The following ATP7A variants were observed in gnomAD, a reference collection of about 807,000 sequenced individuals.
The protein encoded by ATP7A is ATPase copper transporting alpha.
ATP7A carries 7 observed loss-of-function variants against 83.5 expected under a neutral mutation model. The ratio of observed to expected loss-of-function variants is 0.08; its 90% CI spans 0.05 to 0.16. The LOEUF (loss-of-function observed/expected upper bound fraction) is 0.16. ATP7A is among the 10% of genes least tolerant of loss of function. The pLI is 1.00. For missense variants in ATP7A, 940 were observed against 1,120.8 expected (o/e 0.84, Z 2.30); for synonymous variants, 354 against 395.2 (o/e 0.90, Z 1.24).
rs1441768851 is a variant in ATP7A at position 77,999,772 on chromosome X, C to T, written c.1543+1088C>T. On this transcript the variant is annotated intron_variant, in intron 5 of 22. Coordinates refer to ENST00000341514, the MANE Select transcript of ATP7A (RefSeq NM_000052.7). The stretch of plus-strand genomic sequence containing the variant: ...TACAAAAATTAGCTGGGTGTAGTGG[C>T]GCATGCCTGGAGTCCCAGCTACTTG... Among the ~76,000 whole-genome samples the T allele has an allele frequency of 3.6e-5, 4 of 110,449 alleles. No homozygotes were observed. In the East Asian group the frequency reaches 8.5e-4, roughly 24 times the overall value.
intron 15 of ATP7A, among the ~76,000 whole-genome samples, chrX:78,030,085 G>A (rs1242012323): frequency 8.9e-6 from 1 of 112,222 alleles, no homozygotes; most frequent in Non-Finnish European, 1.9e-5. Context: ...ATACAGGCTA[G>A]TAATTTTTAT....
chrX:78,024,289 A>G (rs1024572557), intron 14 of ATP7A, among the ~76,000 whole-genome samples: 7 of 112,119 alleles, frequency 6.2e-5, no homozygotes, highest in African/African-American at 1.3e-4. Flanking sequence ...TTCTTTTTCC[A>G]TATGAAATTT....
chrX:77,962,754 A>G, intron 1 of ATP7A: 1 of 389,484 alleles, frequency 2.6e-6, no homozygotes, highest in Non-Finnish European at 5.1e-6. Context: ...ATTTTCGTCA[A>G]CCAAACTTCT....
chrX:78,033,809 G>A lies in ATP7A; in HGVS notation c.3499G>A (p.Ala1167Thr). 6 of 1,208,298 alleles carry A rather than the reference G, an allele frequency of 5.0e-6. No homozygotes were observed. In the South Asian group the frequency reaches 8.8e-5, roughly 18 times the overall value. ...SSTSSSMIID[A>T]QISNALNAQQ... ...AACTTCGTCTTCCATGATTATTGATGCCCAGATCTCAAGTAAGCTAATTTT... is the reference window on the plus strand; with the variant it reads ...AACTTCGTCTTCCATGATTATTGATACCCAGATCTCAAGTAAGCTAATTTT... The change falls in exon 17 of 23, where the codon GCC becomes ACC. Residue 1167 changes from alanine to threonine, a missense_variant. Ala to Thr is a moderately conservative substitution (Grantham distance 58). Around this residue, in one of 3 missense-constraint regions of ATP7A, gnomAD observed 386 missense variants for 502.2 expected, o/e 0.77. Coordinates refer to ENST00000341514, the MANE Select transcript of ATP7A (RefSeq NM_000052.7).
chrX:77,995,371 C>G (rs2077696167), intron 4 of ATP7A, among the ~76,000 whole-genome samples: 1 of 109,915 alleles, frequency 9.1e-6, no homozygotes. Flanking sequence ...TCGAGACCAG[C>G]CTGGCCAACA....
At position 78,003,119 on chromosome X, in the gene ATP7A, A is replaced by G. The variant is rs1557233367; in HGVS notation, c.1590A>G (p.Val530=). 16 of 1,208,315 alleles carry G rather than the reference A, an allele frequency of 1.3e-5. No individual in the cohort carries two copies. The highest frequency in any genetic ancestry group is 1.8e-5 in the Non-Finnish European group (16 of 893,814). The change falls in exon 6 of 23, where the codon GTA becomes GTG. Residue 530 remains valine (V), a synonymous_variant. Transcript: ENST00000341514. ...CCCTGATGGCTGGCAAGGCAGAAGT[A>G]AGGTATAATCCTGCTGTTATACAAC... ...LVALMAGKAE[V]RYNPAVIQPP...
chrX:77,911,278 G>A (rs2077158264), intron 1 of ATP7A, among the ~76,000 whole-genome samples: 1 of 112,231 alleles, frequency 8.9e-6, no homozygotes, highest in African/African-American at 3.2e-5. Context: ...GGGAGCGTAA[G>A]GTAAACTGAG....
intron 2 of ATP7A, 126 bp downstream of exon 2, chrX:77,971,887 A>G: frequency 1.3e-6 from 1 of 785,311 alleles, no homozygotes; most frequent in South Asian, 2.6e-5. Context: ...TGTACTTCTT[A>G]TCTTGAAGCT....
intron 15 of ATP7A, among the ~76,000 whole-genome samples, chrX:78,030,667 G>T (rs1179251562): frequency 1.9e-5 from 2 of 106,688 alleles, no homozygotes; most frequent in African/African-American, 6.8e-5. Flanking sequence ...TACTTTGTTG[G>T]TTTATTTTTC....
At chrX:77,938,293 A>G (rs2077331767) in intron 1 of ATP7A, among the ~76,000 whole-genome samples, 1 of 112,420 alleles carries the variant, frequency 8.9e-6, no homozygotes, top group Non-Finnish European at 1.9e-5. Flanking sequence ...TGAGCATAAC[A>G]CCTACTTAAG....
chrX:78,018,847 G>T (rs2077886446), intron 12 of ATP7A, among the ~76,000 whole-genome samples: 1 of 110,552 alleles, frequency 9.0e-6, no homozygotes, highest in Admixed American at 9.7e-5. Context: ...GGTGAAGGGG[G>T]CAAGGACCTT....
intron 4 of ATP7A, among the ~76,000 whole-genome samples, chrX:77,993,480 A>G (rs1044788336): frequency 1.8e-5 from 2 of 112,074 alleles, no homozygotes; most frequent in Non-Finnish European, 3.8e-5. Flanking sequence ...ACATAATGTG[A>G]TTCATTGACC....
chrX:77,996,782 T>G (rs1290895097), intron 4 of ATP7A, among the ~76,000 whole-genome samples: 1 of 64,287 alleles, frequency 1.6e-5, no homozygotes, highest in Non-Finnish European at 3.1e-5. Context: ...AGAAAAAACT[T>G]TTTTTTTCAT....
chrX:77,984,668 T>C (rs1052699092), intron 2 of ATP7A, among the ~76,000 whole-genome samples: 2 of 111,384 alleles, frequency 1.8e-5, no homozygotes, highest in South Asian at 7.5e-4. Context: ...GCCCAGCCAA[T>C]AAGTACCATT....
rs373689911 is a variant in ATP7A at position 78,011,947 on chromosome X, A to AT, written c.2172+286dup. Among the ~76,000 whole-genome samples, 325 of 99,825 alleles carry AT rather than the reference A, an allele frequency of 3.3e-3. 1 individual carries two copies. Among genetic ancestry groups the AT allele is most frequent in the Middle Eastern group, 0.02 (4 of 199 alleles). 86.7% of individuals were successfully genotyped at this position (99,825 alleles called of 115,157 possible). A position where few individuals can be genotyped will look rare whatever the true frequency, so the allele number is the denominator to read the frequency against. ...TTTATTTTTAAATTTTTATTTATCTATTTTTTTTTTTTTAGAGATGGGGTT... is the reference window on the plus strand; with the variant it reads ...TTTATTTTTAAATTTTTATTTATCTATTTTTTTTTTTTTTAGAGATGGGGTT... On this transcript the variant is annotated intron_variant, in intron 9 of 22. Coordinates refer to ENST00000341514, the MANE Select transcript of ATP7A (RefSeq NM_000052.7).
At chrX:78,039,218 T>C (rs1557238061) in intron 18 of ATP7A, among the ~76,000 whole-genome samples, 1 of 112,376 alleles carries the variant, frequency 8.9e-6, no homozygotes, top group Non-Finnish European at 1.9e-5. Flanking sequence ...AAGGATTTTT[T>C]AAAACCTAAA....
chrX:77,948,100 T>TTC (rs2077392703), intron 1 of ATP7A, among the ~76,000 whole-genome samples: 17 of 89,758 alleles, frequency 1.9e-4, no homozygotes, highest in African/African-American at 5.4e-4. Context: ...TTTATTTATT[T>TTC]ATTCATTCAT....
Position 78,042,569 on chromosome X carries a change from T to G in ATP7A, c.3802-16T>G. The stretch of plus-strand genomic sequence containing the variant: ...CATTATTTTTTAAATGAATTGAGTT[T>G]ATTTTCATCACATAGGTTGGCATTA... On this transcript the variant is annotated splice_polypyrimidine_tract_variant and intron_variant, in intron 19 of 22. Transcript: ENST00000341514. 1 of 1,205,999 alleles carries G rather than the reference T, an allele frequency of 8.3e-7. No individual in the cohort carries two copies. The highest frequency in any genetic ancestry group is 1.8e-5 in the South Asian group (1 of 56,856).
At position 77,917,939 on chromosome X, in the gene ATP7A, A is replaced by C. The variant is rs1256105460; in HGVS notation, c.-22+7104A>C. On this transcript the variant is annotated intron_variant, in intron 1 of 22. Transcript: ENST00000341514. ...TGTAACCTGTGTTAGTACTCTCTTA[A>C]CATGGCTTAAAGCATGAATGGATTG... Among the ~76,000 whole-genome samples the C allele has an allele frequency of 2.7e-5, 3 of 112,298 alleles. No homozygotes were observed. In the East Asian group the frequency reaches 8.3e-4, roughly 31 times the overall value.
Sources: allele counts gnomAD v4.1 joint callset (sites outside exome capture counted in the v4.1 genomes callset), GRCh38; gene constraint gnomAD v4.1.1; regional missense constraint gnomAD v4.1.1; transcripts MANE v1.5; gene names NCBI Gene and HGNC (gene_info 2026-07-23, HGNC 2026-07-21).